Variants in HDAC7 observed in about 807,000 individuals in gnomAD.
HDAC7 encodes histone deacetylase 7.
HDAC7 carries 26 observed loss-of-function variants against 115.5 expected under a neutral mutation model. That is an observed-to-expected ratio of 0.23 (90% confidence interval 0.16 to 0.31). The LOEUF (loss-of-function observed/expected upper bound fraction) is 0.31. Among genes scored for constraint, HDAC7 ranks in the 10% least tolerant of loss-of-function variants. The pLI is 1.00. For missense variants in HDAC7, 1,068 were observed against 1,329.0 expected (o/e 0.80, Z 3.05); for synonymous variants, 564 against 550.9 (o/e 1.02, Z -0.33).
Position 47,798,219 on chromosome 12 carries a change from C to T in HDAC7, c.350G>A (p.Ser117Asn). Residue 117 changes from serine (S) to asparagine (N), a missense_variant and splice_region_variant, in exon 5 of 26, where the codon AGT (serine) becomes AAT (asparagine). This residue lies in a region of HDAC7 where 161 missense variants were observed against 158.5 expected (regional missense o/e 1.02). Transcript: ENST00000080059. The surrounding 1 kb of genome is among the most constrained non-coding windows in gnomAD (Gnocchi z 4.3). ...CTTGACCACGCTGCTGGCTACAGCA[C>T]CTGTAGGGGCAGAGTCAGGAGGGGG... The part of the protein sequence containing the change: ...QLLHKDKSKR[S>N]AVASSVVKQK... 2 of 1,608,808 alleles carry T rather than the reference C, an allele frequency of 1.2e-6. No homozygotes were observed. The highest frequency in any genetic ancestry group is 1.7e-6 in the Non-Finnish European group (2 of 1,175,414).
chr12:47,787,072 G>A lies in HDAC7; in HGVS notation c.2454-369C>T, dbSNP rs965071564. Among the ~76,000 whole-genome samples, 14 of 152,204 alleles carry A rather than the reference G, an allele frequency of 9.2e-5. No homozygotes were observed. In the East Asian group the frequency reaches 1.5e-3, roughly 17 times the overall value. On this transcript the variant is annotated intron_variant, in intron 21 of 25. Coordinates refer to ENST00000080059, the MANE Select transcript of HDAC7 (RefSeq NM_015401.5). ...GGAAAGGGTAATCTCACAGCCTTGC[G>A]GAGATGGACTCTGGTCACAAAGCTT...
chr12:47,797,385 T>C lies in HDAC7; in HGVS notation c.576A>G (p.Thr192=). ...DPPEHFPLRK[T]VSEPNLKLRY... is the part of the protein sequence containing the mutation. ...GGTCCGCCTGTTTGTTCAGCTCACC[T>C]GTCTTGCGCAGAGGGAAGTGCTCTG... Residue 192 remains threonine (T), a splice_region_variant and synonymous_variant, in exon 6 of 26, where the codon ACA becomes ACG. Coordinates refer to ENST00000080059, the MANE Select transcript of HDAC7 (RefSeq NM_015401.5). The surrounding 1 kb of genome is among the most constrained non-coding windows in gnomAD (Gnocchi z 5.5). 1 of 1,606,102 alleles carries C rather than the reference T, an allele frequency of 6.2e-7. No individual in the cohort carries two copies. Among genetic ancestry groups the C allele is most frequent in the African/African-American group, 1.3e-5 (1 of 74,520 alleles).
chr12:47,802,541 T>C (rs773723133), intron 1 of HDAC7: 205 of 1,490,214 alleles, frequency 1.4e-4, no homozygotes, highest in Non-Finnish European at 1.8e-4. Context: ...AGCAAGAACC[T>C]AAGGAGGCCT....
intron 19 of HDAC7, chr12:47,789,035 C>T: frequency 1.8e-6 from 1 of 541,340 alleles, no homozygotes; most frequent in Non-Finnish European, 3.3e-6. Flanking sequence ...ACAGCTCCTA[C>T]TCGTTGCAGG....
intron 1 of HDAC7, among the ~76,000 whole-genome samples, chr12:47,811,796 C>G (rs1022271942): frequency 1.7e-4 from 26 of 152,190 alleles, no homozygotes; most frequent in African/African-American, 5.8e-4. Flanking sequence ...TCTGAGGTTC[C>G]GTGTTATCTA....
chr12:47,794,662 G>C lies in HDAC7; in HGVS notation c.1458+98C>G, dbSNP rs1317980957. Reference sequence around the variant, plus strand: ...GCAACCATGGGTCCTAGAGCTGCCTGTTGCACTGATGTCGTATCTCCCTCC... The same window carrying C: ...GCAACCATGGGTCCTAGAGCTGCCTCTTGCACTGATGTCGTATCTCCCTCC... On this transcript the variant is annotated intron_variant, in intron 12 of 25. Transcript: ENST00000080059. The C allele has an allele frequency of 3.9e-6, 5 of 1,266,664 alleles. No individual in the cohort carries two copies. The East Asian group carries it at 1.3e-4, about 32-fold the overall frequency. 78.5% of individuals were successfully genotyped at this position (1,266,664 alleles called of 1,614,324 possible). A position where few individuals can be genotyped will look rare whatever the true frequency, so the allele number is the denominator to read the frequency against.
At chr12:47,786,009 T>C (rs1008694933) in intron 22 of HDAC7, 124 bp from the exon 23 acceptor site, 2 of 1,000,170 alleles carry the variant, frequency 2.0e-6, no homozygotes, top group African/African-American at 1.6e-5. Flanking sequence ...TCAATCACTA[T>C]TTCCAAAGTG....
intron 16 of HDAC7, chr12:47,790,341 G>A (rs777411435): frequency 2.3e-4 from 44 of 191,436 alleles, no homozygotes; most frequent in Admixed American, 3.7e-4. Context: ...GCCCAGGCTG[G>A]GAGGCCCCCC....
At position 47,797,583 on chromosome 12, in the gene HDAC7, G is replaced by T; in HGVS notation, c.462-84C>A. 9.7e-7 allele frequency: 1 copy of T among 1,030,882 alleles called. No individual in the cohort carries two copies. The highest frequency in any genetic ancestry group is 1.5e-5 in the South Asian group (1 of 65,010). 63.9% of individuals were successfully genotyped at this position (1,030,882 alleles called of 1,614,324 possible). A position where few individuals can be genotyped will look rare whatever the true frequency, so the allele number is the denominator to read the frequency against. On this transcript the variant is annotated intron_variant, in intron 5 of 25. Coordinates refer to ENST00000080059, the MANE Select transcript of HDAC7 (RefSeq NM_015401.5). This position sits in a 1 kb window ranked among gnomAD's most constrained non-coding sequence, Gnocchi z 5.5. ...CTGAGCACGGGCCCTGGGACCTGAG[G>T]GGGAGGCTGCAGCGGGCAGGGCTGG...
chr12:47,787,829 A>G lies in HDAC7; in HGVS notation c.2356-20T>C. On this transcript the variant is annotated intron_variant, in intron 20 of 25. Transcript: ENST00000080059. Reference sequence around the variant, plus strand: ...CCCTACCTGGAAAACAGGAGGCAAGAGAGACATGAGGACAGCAGAGTCCCA... The same window carrying G: ...CCCTACCTGGAAAACAGGAGGCAAGGGAGACATGAGGACAGCAGAGTCCCA... The G allele has an allele frequency of 6.2e-7, 1 of 1,603,924 alleles. No individual in the cohort carries two copies. Among genetic ancestry groups the G allele is most frequent in the Non-Finnish European group, 8.5e-7 (1 of 1,173,764 alleles).
Position 47,789,522 on chromosome 12 carries a change from C to A in HDAC7, c.2147+1G>T. ...CCACCCAGGTCTTCCCTTAGCCTTA[C>A]ATGGCTGTTGAATGATCTGCATGGT... On this transcript the variant is annotated splice_donor_variant, in intron 18 of 25. Coordinates refer to ENST00000080059, the MANE Select transcript of HDAC7 (RefSeq NM_015401.5). LOFTEE classifies it high-confidence loss of function. 6.2e-7 allele frequency: 1 copy of A among 1,614,194 alleles called. No individual in the cohort carries two copies. The highest frequency in any genetic ancestry group is 8.5e-7 in the Non-Finnish European group (1 of 1,179,990).
At chr12:47,790,926 C>T (rs527238563) in intron 16 of HDAC7, 24 of 426,996 alleles carry the variant, frequency 5.6e-5, no homozygotes, top group Admixed American at 3.3e-4. Context: ...AGCAGCCTGG[C>T]GGCCAATGCC....
At chr12:47,804,945 T>C (rs1214482470) in intron 1 of HDAC7, among the ~76,000 whole-genome samples, 2 of 151,992 alleles carry the variant, frequency 1.3e-5, no homozygotes, top group Non-Finnish European at 2.9e-5. Context: ...AAAAGGTGGA[T>C]GAAAACCTGA....
At chr12:47,812,276 C>T (rs1408292020) in intron 1 of HDAC7, among the ~76,000 whole-genome samples, 2 of 152,170 alleles carry the variant, frequency 1.3e-5, no homozygotes, top group African/African-American at 2.4e-5. Flanking sequence ...TGTTCCAGGC[C>T]GCGATGGGTG....
chr12:47,791,204 GGAGGAGA>G, intron 16 of HDAC7, 48 bp downstream of exon 16: 2 of 1,484,170 alleles, frequency 1.3e-6, no homozygotes. Context: ...AGAACCACAG[GGAGGAGA>G]GCTGAGAGCC....
rs147884321 is a variant in HDAC7 at position 47,798,584 on chromosome 12, G to A, written c.327C>T (p.Leu109=). The A allele has an allele frequency of 8.7e-6, 14 of 1,613,882 alleles. No homozygotes were observed. The highest frequency in any genetic ancestry group is 3.3e-4 in the Middle Eastern group (2 of 6,072). ...TACTTCGCTTGCTCTTGTCCTTGTGGAGAAGCTGCCGCAGCTCTTGTTCCT... is the reference window on the plus strand; with the variant it reads ...TACTTCGCTTGCTCTTGTCCTTGTGAAGAAGCTGCCGCAGCTCTTGTTCCT... ...GPQEQELRQL[L]HKDKSKRSAV... The change falls in exon 4 of 26, where the codon CTC becomes CTT. Residue 109 remains leucine, a synonymous_variant. Transcript: ENST00000080059. This position sits in a 1 kb window ranked among gnomAD's most constrained non-coding sequence, Gnocchi z 4.3.
chr12:47,795,724 C>T lies in HDAC7; in HGVS notation c.950G>A (p.Gly317Glu). ...AGTGTGGGGGCTCCCCAGGATTGGCCCCCGAGGGCCCAGAGTCGGATGGGT... is the reference window on the plus strand; with the variant it reads ...AGTGTGGGGGCTCCCCAGGATTGGCTCCCGAGGGCCCAGAGTCGGATGGGT... ...RRTHPTLGPR[G>E]PILGSPHTPL... Residue 317 changes from glycine (G) to glutamate (E), a missense_variant, in exon 10 of 26, where the codon GGG becomes GAG. Gly to Glu is a moderately conservative substitution (Grantham distance 98). Coordinates refer to ENST00000080059, the MANE Select transcript of HDAC7 (RefSeq NM_015401.5). This position sits in a 1 kb window ranked among gnomAD's most constrained non-coding sequence, Gnocchi z 4.3. 1.3e-6 allele frequency: 2 copies of T among 1,545,788 alleles called. No individual in the cohort carries two copies. Among genetic ancestry groups the T allele is most frequent in the Non-Finnish European group, 1.7e-6 (2 of 1,144,370 alleles).
chr12:47,798,954 G>A lies in HDAC7; in HGVS notation c.89C>T (p.Ala30Val), dbSNP rs201130165. 29 of 1,514,930 alleles carry A rather than the reference G, an allele frequency of 1.9e-5. No homozygotes were observed. In the East Asian group the frequency reaches 6.6e-4, roughly 34 times the overall value. The allele number at this position is 1,514,930 out of a possible 1,614,324, so 93.8% of individuals were successfully genotyped here. A position where few individuals can be genotyped will look rare whatever the true frequency, so the allele number is the denominator to read the frequency against. The change falls in exon 3 of 26, where the codon GCA becomes GTA. Residue 30 changes from alanine to valine, a missense_variant. By Grantham distance (64) the Ala-to-Val change is moderately conservative (BLOSUM62 0). This residue lies in a region of HDAC7 where 161 missense variants were observed against 158.5 expected (regional missense o/e 1.02). Coordinates refer to ENST00000080059, the MANE Select transcript of HDAC7 (RefSeq NM_015401.5). This position sits in a 1 kb window ranked among gnomAD's most constrained non-coding sequence, Gnocchi z 4.3. The part of the protein sequence containing the change: ...PTGAGCPRPC[A>V]DTPGPQPQPM... ...CTGCGGCTGAGGGCCTGGTGTGTCT[G>A]CACAGGGCCTGGGGCAGCCTAGGGA...
chr12:47,821,050 C>A (rs7487602), upstream of HDAC7, among the ~76,000 whole-genome samples: 28,970 of 152,046 alleles, frequency 0.19, 3,572 homozygotes, highest in Non-Finnish European at 0.28. Context: ...AGGTCCACCA[C>A]GCAGGAACAC....
Sources: allele counts gnomAD v4.1 joint callset (sites outside exome capture counted in the v4.1 genomes callset), GRCh38; gene constraint gnomAD v4.1.1; regional missense constraint gnomAD v4.1.1; non-coding constraint Gnocchi (gnomAD v3.1); transcripts MANE v1.5; gene names NCBI Gene and HGNC (gene_info 2026-07-23, HGNC 2026-07-21).